Variants in OSBPL3 observed in about 807,000 individuals in gnomAD.
OSBPL3 encodes oxysterol binding protein like 3, also known as oxysterol-binding protein-related protein 3.
Under a neutral mutation model 120.1 loss-of-function variants are expected in OSBPL3, and 65 were observed. The ratio of observed to expected loss-of-function variants is 0.54; its 90% CI spans 0.44 to 0.67. The LOEUF (loss-of-function observed/expected upper bound fraction) is 0.67. Among genes scored for constraint, OSBPL3 ranks in the 30% least tolerant of loss-of-function variants. The probability of loss-of-function intolerance (pLI) is 0.00; values close to 1 mark genes in which losing one functional copy is unlikely to be tolerated. For synonymous variants in OSBPL3, 416 were observed against 402.6 expected (o/e 1.03, Z -0.40); for missense variants, 1,004 against 1,082.1 (o/e 0.93, Z 1.01).
rs1196737688 is a variant in OSBPL3 at position 24,831,857 on chromosome 7, C to T, written c.1747-952G>A. On this transcript the variant is annotated intron_variant, in intron 15 of 22. Coordinates refer to ENST00000313367, the MANE Select transcript of OSBPL3 (RefSeq NM_015550.4). This position sits in a 1 kb window ranked among gnomAD's most constrained non-coding sequence, Gnocchi z 4.0. ...ATGTTGCCTGTAATAGGGACCACCT[C>T]ACCACCTCATGCTATAGAATTCTCT... 1.3e-5 allele frequency among the ~76,000 whole-genome samples: 2 copies of T among 152,194 alleles called. No individual in the cohort carries two copies. Among genetic ancestry groups the T allele is most frequent in the African/African-American group, 4.8e-5 (2 of 41,438 alleles).
intron 15 of OSBPL3, among the ~76,000 whole-genome samples, chr7:24,832,979 T>C (rs183640006): frequency 2.1e-4 from 32 of 152,328 alleles, no homozygotes; most frequent in African/African-American, 7.7e-4. Flanking sequence ...GGTCTCTAAA[T>C]TGCCACAGCA....
In OSBPL3 at chr7:24,863,374, C is replaced by T; in HGVS notation, c.778-82G>A. ...GATAAATGCATAGCAAAGTGACCAC[C>T]TCCATCCCCTTGACTTTGGCTGAAG... On this transcript the variant is annotated intron_variant, in intron 8 of 22. Transcript: ENST00000313367. This position sits in a 1 kb window ranked among gnomAD's most constrained non-coding sequence, Gnocchi z 5.8. The T allele has an allele frequency of 7.2e-7, 1 of 1,382,946 alleles. No individual in the cohort carries two copies. Among genetic ancestry groups the T allele is most frequent in the South Asian group, 1.2e-5 (1 of 86,170 alleles). The allele number at this position is 1,382,946 out of a possible 1,614,324, so 85.7% of individuals were successfully genotyped here.
chr7:24,951,724 C>A (rs184381553), intron 1 of OSBPL3, among the ~76,000 whole-genome samples: 5 of 152,174 alleles, frequency 3.3e-5, no homozygotes, highest in Admixed American at 2.6e-4. Flanking sequence ...GGCTGACAAA[C>A]ACACCACGGG....
rs763010004 is a variant in OSBPL3 at position 24,834,743 on chromosome 7, G to A, written c.1496-7C>T. The stretch of plus-strand genomic sequence containing the variant: ...CCACTATCAAGGACAGGCCCTGAAA[G>A]GGAAAGAGGCCTGGTTGTCTCTATA... On this transcript the variant is annotated splice_polypyrimidine_tract_variant and splice_region_variant and intron_variant, in intron 14 of 22. Coordinates refer to ENST00000313367, the MANE Select transcript of OSBPL3 (RefSeq NM_015550.4). The surrounding 1 kb of genome is among the most constrained non-coding windows in gnomAD (Gnocchi z 5.2). The A allele has an allele frequency of 1.3e-6, 2 of 1,592,222 alleles. No homozygotes were observed. Among genetic ancestry groups the A allele is most frequent in the East Asian group, 4.5e-5 (2 of 44,732 alleles).
chr7:24,826,851 G>A (rs1466802524), intron 16 of OSBPL3, among the ~76,000 whole-genome samples: 2 of 152,076 alleles, frequency 1.3e-5, no homozygotes, highest in Non-Finnish European at 2.9e-5. Flanking sequence ...GGCAAGCTTC[G>A]ACAGAGTCGA....
intron 22 of OSBPL3, among the ~76,000 whole-genome samples, chr7:24,800,937 C>T (rs1326736601): frequency 7.2e-6 from 1 of 138,798 alleles, no homozygotes; most frequent in Admixed American, 7.3e-5. Context: ...AAGTGGTTAA[C>T]TTTTTTTTTT....
rs1186182995 is a variant in OSBPL3 at position 24,852,722 on chromosome 7, C to T, written c.1028-88G>A. The stretch of plus-strand genomic sequence containing the variant: ...AAAAACATATCTCTTATAAAAGAAA[C>T]AAGCAAAGTAACAGCCCTGAATATT... On this transcript the variant is annotated intron_variant, in intron 10 of 22. Coordinates refer to ENST00000313367, the MANE Select transcript of OSBPL3 (RefSeq NM_015550.4). This position sits in a 1 kb window ranked among gnomAD's most constrained non-coding sequence, Gnocchi z 4.1. 1 of 878,424 alleles carries T rather than the reference C, an allele frequency of 1.1e-6. No homozygotes were observed. Among genetic ancestry groups the T allele is most frequent in the Admixed American group, 3.5e-5 (1 of 28,978 alleles). The allele number at this position is 878,424 out of a possible 1,614,324, so 54.4% of individuals were successfully genotyped here.
chr7:24,807,142 A>C (rs1482510340), intron 20 of OSBPL3, among the ~76,000 whole-genome samples: 1 of 152,252 alleles, frequency 6.6e-6, no homozygotes, highest in Non-Finnish European at 1.5e-5. Context: ...AAGCAAATTT[A>C]TACAATGCTG....
intron 1 of OSBPL3, among the ~76,000 whole-genome samples, chr7:24,924,389 T>C (rs1269149377): frequency 1.3e-5 from 2 of 152,212 alleles, no homozygotes; most frequent in Non-Finnish European, 2.9e-5. Flanking sequence ...CAAGATGATA[T>C]ATTACGTAAA....
rs1016272731 is a variant in OSBPL3 at position 24,818,542 on chromosome 7, T to C, written c.1948+1633A>G. ...TATTAAAAATATATAACATAAATCC[T>C]AAAGTAACAACTTTAACAAGAAACA... On this transcript the variant is annotated intron_variant, in intron 17 of 22. Transcript: ENST00000313367. This position sits in a 1 kb window ranked among gnomAD's most constrained non-coding sequence, Gnocchi z 4.0. Among the ~76,000 whole-genome samples, 6 of 152,146 alleles carry C rather than the reference T, an allele frequency of 3.9e-5. No homozygotes were observed. The highest frequency in any genetic ancestry group is 1.4e-4 in the African/African-American group (6 of 41,432).
chr7:24,893,303 T>G (rs1230908086), intron 1 of OSBPL3, among the ~76,000 whole-genome samples: 3 of 152,184 alleles, frequency 2.0e-5, no homozygotes, highest in Non-Finnish European at 4.4e-5. Flanking sequence ...TTAAAGGGAA[T>G]GAGGTACTGA....
rs757177161 is a variant in OSBPL3 at position 24,861,625 on chromosome 7, T to G, written c.1015A>C (p.Ile339Leu). ...FSKMQEDLCH[I>L]AHKVYFTLRS... ...AAAACTCATTTACCTTTATGGGCAA[T>G]ATGACACAGATCTTCTTGCATTTTA... The change falls in exon 10 of 23, where the codon ATT becomes CTT. Residue 339 changes from isoleucine (I) to leucine (L), a missense_variant. By Grantham distance (5) the Ile-to-Leu change is conservative. Around this residue, in one of 4 missense-constraint regions of OSBPL3, gnomAD observed 272 missense variants for 248.8 expected, o/e 1.09. Transcript: ENST00000313367. 6.3e-7 allele frequency: 1 copy of G among 1,597,542 alleles called. No individual in the cohort carries two copies. Among genetic ancestry groups the G allele is most frequent in the East Asian group, 2.2e-5 (1 of 44,588 alleles).
At chr7:24,949,149 T>C (rs1184864793) in intron 1 of OSBPL3, among the ~76,000 whole-genome samples, 2 of 152,222 alleles carry the variant, frequency 1.3e-5, no homozygotes, top group East Asian at 3.8e-4. Context: ...TCAATTTGCT[T>C]ATTCACGTTA....
chr7:24,865,006 C>T (rs1801103287), intron 7 of OSBPL3, among the ~76,000 whole-genome samples: 1 of 151,906 alleles, frequency 6.6e-6, no homozygotes, highest in South Asian at 2.1e-4. Flanking sequence ...CACTCCCTCA[C>T]CTCTAGCACA....
At chr7:24,978,768 C>G (rs929524855) in intron 1 of OSBPL3, among the ~76,000 whole-genome samples, 1 of 152,208 alleles carries the variant, frequency 6.6e-6, no homozygotes. Context: ...AGGGTCAGAG[C>G]AACACCTAGG....
intron 1 of OSBPL3, among the ~76,000 whole-genome samples, chr7:24,977,359 T>C (rs1817692096): frequency 6.6e-6 from 1 of 152,084 alleles, no homozygotes; most frequent in African/African-American, 2.4e-5. Flanking sequence ...TACAGCCCAA[T>C]CTCAGATGGT....
rs1021449845 is a variant in OSBPL3 at position 24,798,925 on chromosome 7, T to C, written c.*1258A>G. 12 of 152,646 alleles carry C rather than the reference T, an allele frequency of 7.9e-5. No individual in the cohort carries two copies. The highest frequency in any genetic ancestry group is 2.9e-4 in the African/African-American group (12 of 41,454). 9.5% of individuals were successfully genotyped at this position (152,646 alleles called of 1,614,324 possible). On this transcript the variant is annotated 3_prime_UTR_variant, in exon 23 of 23. Coordinates refer to ENST00000313367, the MANE Select transcript of OSBPL3 (RefSeq NM_015550.4). This position sits in a 1 kb window ranked among gnomAD's most constrained non-coding sequence, Gnocchi z 4.6. ...CACAATTCAACTACTACACATATTA[T>C]TGTAATGTGAAATAACACATTTAAA...
At chr7:24,843,599 T>C (rs1354933216) in intron 12 of OSBPL3, among the ~76,000 whole-genome samples, 1 of 152,198 alleles carries the variant, frequency 6.6e-6, no homozygotes, top group African/African-American at 2.4e-5. Context: ...CTTTACAAAT[T>C]GCTTGCTTCA....
intron 11 of OSBPL3, among the ~76,000 whole-genome samples, chr7:24,850,030 A>G (rs1340728086): frequency 1.3e-5 from 2 of 152,090 alleles, no homozygotes; most frequent in African/African-American, 2.4e-5. Flanking sequence ...CTTTTCCAAT[A>G]TGGGTATTGA....
Sources: gnomAD v4.1 joint callset for allele counts (sites outside exome capture counted in the v4.1 genomes callset) on GRCh38, gnomAD v4.1.1 for gene constraint, gnomAD v4.1.1 regional missense constraint, Gnocchi (gnomAD v3.1) non-coding constraint, MANE v1.5 for transcripts, NCBI Gene and HGNC (gene_info 2026-07-23, HGNC 2026-07-21) for gene names.